Variants in ARHGAP24 observed in about 807,000 individuals in gnomAD.
ARHGAP24 encodes the protein Rho GTPase activating protein 24, also known as rho GTPase-activating protein 24.
Under a neutral mutation model 76.4 loss-of-function variants are expected in ARHGAP24, and 50 were observed. That is an observed-to-expected ratio of 0.65 (90% CI 0.52 to 0.83). The LOEUF (loss-of-function observed/expected upper bound fraction) is 0.83. Ranked by LOEUF, ARHGAP24 falls within the 40% of genes least tolerant of loss-of-function variation. The probability of loss-of-function intolerance (pLI) is 0.00; values close to 1 mark genes in which losing one functional copy is unlikely to be tolerated. For missense variants in ARHGAP24, 930 were observed against 914.2 expected (o/e 1.02, Z -0.22); for synonymous variants, 345 against 323.3 (o/e 1.07, Z -0.72).
At chr4:85,526,564 T>C (rs1414177872) in intron 1 of ARHGAP24, among the ~76,000 whole-genome samples, 1 of 152,078 alleles carries the variant, frequency 6.6e-6, no homozygotes, top group Non-Finnish European at 1.5e-5. Context: ...ACTATGGGAC[T>C]TCTGCCTCTA....
intron 3 of ARHGAP24, among the ~76,000 whole-genome samples, chr4:85,814,104 G>A (rs1480854857): frequency 6.6e-6 from 1 of 151,910 alleles, no homozygotes; most frequent in Non-Finnish European, 1.5e-5. Flanking sequence ...ACAGCATGGG[G>A]GAAACCGCCC....
chr4:85,574,917 A>G (rs1435234481), intron 2 of ARHGAP24, among the ~76,000 whole-genome samples: 1 of 152,208 alleles, frequency 6.6e-6, no homozygotes, highest in Non-Finnish European at 1.5e-5. Flanking sequence ...GAGAACTTAG[A>G]AAGTTTCAAT....
At chr4:85,785,967 C>G (rs957776309) in intron 3 of ARHGAP24, among the ~76,000 whole-genome samples, 7 of 151,332 alleles carry the variant, frequency 4.6e-5, no homozygotes, top group African/African-American at 1.7e-4. Flanking sequence ...TAATGCTTCT[C>G]TCAGAGACCA....
intron 3 of ARHGAP24, among the ~76,000 whole-genome samples, chr4:85,893,660 CT>C (rs1471193979): frequency 7.9e-6 from 1 of 126,892 alleles, no homozygotes; most frequent in Non-Finnish European, 1.6e-5. Context: ...GTTGAAAATT[CT>C]TTTCTTTAAG....
At chr4:85,772,721 A>T (rs1578213382) in intron 3 of ARHGAP24, among the ~76,000 whole-genome samples, 1 of 152,342 alleles carries the variant, frequency 6.6e-6, no homozygotes, top group East Asian at 1.9e-4. Context: ...TTCCATAGAA[A>T]CCATGCAAAT....
intron 3 of ARHGAP24, among the ~76,000 whole-genome samples, chr4:85,853,395 G>A (rs889146575): frequency 3.9e-5 from 6 of 152,090 alleles, no homozygotes; most frequent in African/African-American, 1.4e-4. Flanking sequence ...GCTTCCCTTG[G>A]CTAAGAAAGG....
rs559742395 is a variant in ARHGAP24, at chr4:85,511,757, G to A, written c.-21+36198G>A. 4.6e-5 allele frequency among the ~76,000 whole-genome samples: 7 copies of A among 152,282 alleles called. No individual in the cohort carries two copies. In the East Asian group the frequency reaches 1.4e-3, roughly 29 times the overall value. On this transcript the variant is annotated intron_variant, in intron 1 of 9. Transcript: ENST00000395184. ...TGGGATTACAGGCGTGAGCCAACCC[G>A]CCTGGCCGAAATTCACTGTCTAATG...
chr4:85,703,455 A>G (rs1007645943), intron 2 of ARHGAP24, among the ~76,000 whole-genome samples: 2 of 152,142 alleles, frequency 1.3e-5, no homozygotes, highest in Admixed American at 6.5e-5. Context: ...CCCCTACTTC[A>G]TTAACACATC....
At chr4:85,913,304 A>G (rs546208898) in intron 3 of ARHGAP24, among the ~76,000 whole-genome samples, 85 of 151,626 alleles carry the variant, frequency 5.6e-4, no homozygotes, top group African/African-American at 1.8e-3. Context: ...AAGTTGTTCA[A>G]AAAACTTCCT....
chr4:85,865,603 T>C (rs345346), intron 3 of ARHGAP24, among the ~76,000 whole-genome samples: 141,243 of 148,370 alleles, frequency 0.95, 67,680 homozygotes, highest in East Asian at 1. Context: ...AATAAAATCA[T>C]GCATTATAAT....
chr4:85,702,151 T>C (rs529343980), intron 2 of ARHGAP24, among the ~76,000 whole-genome samples: 11 of 152,270 alleles, frequency 7.2e-5, no homozygotes, highest in African/African-American at 2.6e-4. Context: ...CACCCACACA[T>C]GTAATAAAGC....
intron 2 of ARHGAP24, among the ~76,000 whole-genome samples, chr4:85,577,128 A>AT (rs1341037516): frequency 4.0e-5 from 6 of 151,096 alleles, no homozygotes; most frequent in African/African-American, 1.5e-4. Flanking sequence ...CATTCATTTG[A>AT]TTTTTTAAGT....
chr4:85,573,926 C>A (rs917313486), intron 2 of ARHGAP24, among the ~76,000 whole-genome samples: 1 of 152,122 alleles, frequency 6.6e-6, no homozygotes, highest in African/African-American at 2.4e-5. Flanking sequence ...TTGCTTTTTT[C>A]TTTTCACTTC....
At chr4:85,817,307 A>C (rs959629499) in intron 3 of ARHGAP24, among the ~76,000 whole-genome samples, 2 of 152,176 alleles carry the variant, frequency 1.3e-5, no homozygotes, top group Non-Finnish European at 2.9e-5. Context: ...GCTGTGCTTT[A>C]TAAGGAGTGA....
intron 2 of ARHGAP24, among the ~76,000 whole-genome samples, chr4:85,688,410 T>C (rs772508332): frequency 1.5e-4 from 23 of 152,308 alleles, no homozygotes; most frequent in Non-Finnish European, 3.2e-4. Context: ...CTCATTTTTT[T>C]AAATGGGATT....
chr4:85,679,973 T>C (rs560759699), intron 2 of ARHGAP24, among the ~76,000 whole-genome samples: 4 of 152,344 alleles, frequency 2.6e-5, no homozygotes, highest in African/African-American at 9.6e-5. Context: ...TCTGAAGGTT[T>C]TAAAGATTGC....
chr4:85,672,566 G>A (rs900515298), intron 2 of ARHGAP24, among the ~76,000 whole-genome samples: 3 of 152,094 alleles, frequency 2.0e-5, no homozygotes, highest in South Asian at 2.1e-4. Flanking sequence ...CATTACCAGC[G>A]TGATTATTAC....
At chr4:85,995,916 G>A (rs1740634270) in intron 9 of ARHGAP24, among the ~76,000 whole-genome samples, 1 of 152,136 alleles carries the variant, frequency 6.6e-6, no homozygotes, top group Non-Finnish European at 1.5e-5. Context: ...CCCTGGTACA[G>A]AATAGGCTCA....
intron 3 of ARHGAP24, among the ~76,000 whole-genome samples, chr4:85,767,353 T>A (rs1194821801): frequency 6.6e-6 from 1 of 152,208 alleles, no homozygotes; most frequent in Non-Finnish European, 1.5e-5. Context: ...TTAGATGTAG[T>A]TGGTTATGTA....
Sources: gnomAD v4.1 joint callset for allele counts (sites outside exome capture counted in the v4.1 genomes callset) on GRCh38, gnomAD v4.1.1 for gene constraint, MANE v1.5 for transcripts, NCBI Gene and HGNC (gene_info 2026-07-23, HGNC 2026-07-21) for gene names.